The following ENSA variants were observed in gnomAD, a reference collection of about 807,000 sequenced individuals.
ENSA encodes alpha-endosulfine.
A neutral mutation model predicts 16.8 loss-of-function variants in ENSA; 7 were observed. The observed-to-expected ratio is 0.42, with a 90% CI of 0.24 to 0.78. The LOEUF is 0.78. ENSA is among the 30% of genes least tolerant of loss of function. ENSA has a pLI of 0.29. For synonymous variants in ENSA, 58 were observed against 53.4 expected (o/e 1.09, Z -0.37); for missense variants, 87 against 142.3 (o/e 0.61, Z 1.98).
intron 2 of ENSA, chr1:150,626,456 C>T (rs1179694212): frequency 6.2e-6 from 10 of 1,606,250 alleles, no homozygotes; most frequent in Non-Finnish European, 6.8e-6. Context: ...AACTGGGATC[C>T]TCCACAGGGA....
chr1:150,624,011 G>A (rs1295360445), intron 3 of ENSA: 2 of 985,308 alleles, frequency 2.0e-6, no homozygotes, highest in Non-Finnish European at 2.4e-6. Flanking sequence ...ATCAGAATTT[G>A]TGATGTGAGA....
chr1:150,628,457 T>C (rs1339834395), intron 1 of ENSA, among the ~76,000 whole-genome samples: 2 of 150,666 alleles, frequency 1.3e-5, no homozygotes, highest in African/African-American at 4.9e-5. Context: ...AATCAATACC[T>C]ACCCTGGTGG....
chr1:150,629,033 G>A, intron 1 of ENSA: 5 of 1,612,646 alleles, frequency 3.1e-6, no homozygotes, highest in Non-Finnish European at 4.2e-6. Context: ...GAGGCTGCGG[G>A]CCCCAGCCCG....
At chr1:150,623,939 A>T (rs879732237) in intron 3 of ENSA, 14 of 985,218 alleles carry the variant, frequency 1.4e-5, no homozygotes, top group Non-Finnish European at 1.7e-5. Flanking sequence ...TACACACCTC[A>T]TCCCCCCACA....
intron 1 of ENSA, chr1:150,629,149 A>G: frequency 6.2e-7 from 1 of 1,614,004 alleles, no homozygotes. Flanking sequence ...CCCCACGTCC[A>G]TGCTCGGCCA....
intron 3 of ENSA, chr1:150,624,915 G>A: frequency 1.0e-6 from 1 of 972,464 alleles, no homozygotes. Context: ...GGACTGAGTA[G>A]AGTGAGAACC....
At chr1:150,625,145 G>C in intron 3 of ENSA, 1 of 985,470 alleles carries the variant, frequency 1.0e-6, no homozygotes, top group Admixed American at 6.1e-5. Context: ...TCTTTTTAAG[G>C]ATTCTCTAAA....
intron 1 of ENSA, chr1:150,629,152 C>T (rs1421422831): frequency 6.2e-7 from 1 of 1,614,074 alleles, no homozygotes; most frequent in Admixed American, 1.7e-5. Flanking sequence ...CACGTCCATG[C>T]TCGGCCAATT....
downstream of ENSA, chr1:150,622,004 T>G (rs587659003): frequency 6.6e-6 from 1 of 152,356 alleles, no homozygotes; most frequent in African/African-American, 2.4e-5. Context: ...CCAACATTCC[T>G]GCTCCCTTTC....
intron 3 of ENSA, chr1:150,624,324 T>C: frequency 3.0e-6 from 3 of 985,978 alleles, no homozygotes; most frequent in Non-Finnish European, 3.6e-6. Flanking sequence ...TCTAAGAACC[T>C]GTTCCTCCAG....
At chr1:150,629,364 G>C (rs112523257) in intron 1 of ENSA, 50 bp downstream of exon 1, 2 of 1,595,954 alleles carry the variant, frequency 1.3e-6, no homozygotes, top group Non-Finnish European at 1.7e-6. Context: ...ACCGTCTCCC[G>C]CCCCATCACG....
At chr1:150,623,671 C>T (rs1454244222) in intron 3 of ENSA, 1 of 983,146 alleles carries the variant, frequency 1.0e-6, no homozygotes, top group African/African-American at 1.8e-5. Flanking sequence ...TATCTATGTA[C>T]AACATGGCTG....
intron 3 of ENSA, chr1:150,624,824 T>C: frequency 6.1e-6 from 6 of 981,982 alleles, no homozygotes; most frequent in Non-Finnish European, 6.0e-6. Flanking sequence ...CTTACATACA[T>C]TTAACTCTAT....
At position 150,626,619 on chromosome 1, in the gene ENSA, C is replaced by G. The variant is rs587671618; in HGVS notation, c.184-811G>C. ...TTGCCCAGGCTGGAGTGCAGTGGCACGATCTCGGCTCACTGCAAGCTCCGC... is the reference window on the plus strand; with the variant it reads ...TTGCCCAGGCTGGAGTGCAGTGGCAGGATCTCGGCTCACTGCAAGCTCCGC... On this transcript the variant is annotated intron_variant, in intron 2 of 3. Coordinates refer to ENST00000369014, the MANE Select transcript of ENSA (RefSeq NM_004436.4). The G allele has an allele frequency of 3.4e-3, 3,113 of 907,866 alleles. 5 individuals carry two copies. Among genetic ancestry groups the G allele is most frequent in the Non-Finnish European group, 4.5e-3 (2,604 of 579,424 alleles). The allele number at this position is 907,866 out of a possible 1,614,324, so 56.2% of individuals were successfully genotyped here.
chr1:150,626,574 TG>T, intron 2 of ENSA: 1 of 1,471,384 alleles, frequency 6.8e-7, no homozygotes, highest in South Asian at 1.1e-5. Context: ...AATTTTTTTT[TG>T]AGATGGAGCC....
chr1:150,623,271 A>G, intron 3 of ENSA: 1 of 1,012,658 alleles, frequency 9.9e-7, no homozygotes, highest in Non-Finnish European at 1.2e-6. Flanking sequence ...GAACCAGACC[A>G]CACACATGCT....
At chr1:150,624,184 A>G (rs184943355) in intron 3 of ENSA, 1 of 985,496 alleles carries the variant, frequency 1.0e-6, no homozygotes, top group East Asian at 1.1e-4. Context: ...CCTGTTCATG[A>G]GTCAGCATGG....
chr1:150,629,200 G>A, intron 1 of ENSA: 1 of 1,600,126 alleles, frequency 6.2e-7, no homozygotes, highest in South Asian at 1.1e-5. Flanking sequence ...TAGGCCTATT[G>A]GCCAATCAGG....
In ENSA at chr1:150,625,695, G is replaced by A. The variant is rs755074318; in HGVS notation, c.297C>T (p.Thr99=). 1 of 1,612,790 alleles carries A rather than the reference G, an allele frequency of 6.2e-7. No individual in the cohort carries two copies. Residue 99 remains threonine (T), a synonymous_variant, in exon 3 of 4, where the codon ACC becomes ACT. Transcript: ENST00000369014. The part of the protein sequence containing the change: ...KNLVTGDHIP[T]PQDLPQRKSS... Reference sequence around the variant, plus strand: ...ACTTTCTCTGGGGCAGATCCTGTGGGGTGGGGATGTGATCACCAGTCACCA... The same window carrying A: ...ACTTTCTCTGGGGCAGATCCTGTGGAGTGGGGATGTGATCACCAGTCACCA...
Sources: gnomAD v4.1 joint callset for allele counts (sites outside exome capture counted in the v4.1 genomes callset) on GRCh38, gnomAD v4.1.1 for gene constraint, MANE v1.5 for transcripts, NCBI Gene and HGNC (gene_info 2026-07-23, HGNC 2026-07-21) for gene names.